Variants in FAM53A observed in about 807,000 individuals in gnomAD.
The protein encoded by FAM53A is protein FAM53A.
In FAM53A, 28 loss-of-function variants were observed where a neutral mutation model predicts 26.6. That is an observed-to-expected ratio of 1.05 (90% CI 0.78 to 1.45). The LOEUF (loss-of-function observed/expected upper bound fraction) is 1.45. FAM53A is among the 40% of genes most tolerant of loss of function. The pLI is 0.00. For synonymous variants in FAM53A, 290 were observed against 253.1 expected (o/e 1.15, Z -1.38); for missense variants, 650 against 575.8 (o/e 1.13, Z -1.32).
intron 2 of FAM53A, among the ~76,000 whole-genome samples, chr4:1,660,047 G>T (rs543637708): frequency 6.6e-6 from 1 of 152,054 alleles, no homozygotes; most frequent in African/African-American, 2.4e-5. Flanking sequence ...CTGAATCCCA[G>T]CACGGCGGGA....
intron 2 of FAM53A, among the ~76,000 whole-genome samples, chr4:1,660,536 C>T (rs961555170): frequency 6.6e-6 from 1 of 150,776 alleles, no homozygotes; most frequent in African/African-American, 2.4e-5. Context: ...CTGCAGCGAA[C>T]GACTGAGTGC....
At chr4:1,638,066 G>A (rs752945481), downstream of FAM53A, among the ~76,000 whole-genome samples, 1 of 151,970 alleles carries the variant, frequency 6.6e-6, no homozygotes, top group Non-Finnish European at 1.5e-5. Flanking sequence ...AGCTTCAGCA[G>A]CAGCCTCTCT....
chr4:1,618,001 G>A lies in FAM53A; in HGVS notation c.*72C>T, dbSNP rs950109413. The A allele has an allele frequency of 8.1e-5, 37 of 456,068 alleles. No homozygotes were observed. In the East Asian group the frequency reaches 2.4e-3, roughly 30 times the overall value. The allele number at this position is 456,068 out of a possible 1,614,324, so 28.3% of individuals were successfully genotyped here. A position where few individuals can be genotyped will look rare whatever the true frequency, so the allele number is the denominator to read the frequency against. Reference sequence around the variant, plus strand: ...GAACTGACGTGTGTCACGAATGCTTGGCATAGAGCCGACCAGTGAGGAGAC... The same window carrying A: ...GAACTGACGTGTGTCACGAATGCTTAGCATAGAGCCGACCAGTGAGGAGAC... On this transcript the variant is annotated 3_prime_UTR_variant, in exon 2 of 2. Transcript: ENST00000489029.
the FAM53A span, among the ~76,000 whole-genome samples, chr4:1,583,306 G>A: frequency 9.8e-5 from 15 of 152,296 alleles, no homozygotes; most frequent in African/African-American, 3.4e-4. Flanking sequence ...CAAAGGAAGC[G>A]GGGTCCCAGG....
chr4:1,681,585 C>G (rs1715446162), intron 1 of FAM53A, among the ~76,000 whole-genome samples: 1 of 151,634 alleles, frequency 6.6e-6, no homozygotes, highest in African/African-American at 2.4e-5. Flanking sequence ...CAGCCTCCAC[C>G]TCCCTGGCTG....
At position 1,667,127 on chromosome 4, in the gene FAM53A, C is replaced by CAA. The variant is rs570780273; in HGVS notation, c.75+1538_75+1539dup. On this transcript the variant is annotated intron_variant, in intron 2 of 4. Coordinates refer to ENST00000308132, the MANE Select transcript of FAM53A (RefSeq NM_001174070.3). ...TGGGCGACAGAGCAAGACTCCATCT[C>CAA]AAAAAAAAAAAAAATACAAAATTTA... Among the ~76,000 whole-genome samples the CAA allele has an allele frequency of 7.7e-3, 998 of 130,198 alleles. 13 individuals are homozygous for CAA. Among genetic ancestry groups the CAA allele is most frequent in the African/African-American group, 0.025 (859 of 34,206 alleles). The allele number at this position is 130,198 out of a possible 152,430, so 85.4% of individuals were successfully genotyped here. A position where few individuals can be genotyped will look rare whatever the true frequency, so the allele number is the denominator to read the frequency against.
chr4:1,597,718 G>A, the FAM53A span, among the ~76,000 whole-genome samples: 3 of 152,222 alleles, frequency 2.0e-5, no homozygotes, highest in South Asian at 2.1e-4. Flanking sequence ...AGGACCAGCC[G>A]GGCGCGGTGG....
downstream of FAM53A, among the ~76,000 whole-genome samples, chr4:1,636,887 G>A (rs892665710): frequency 6.7e-6 from 1 of 148,772 alleles, no homozygotes; most frequent in Non-Finnish European, 1.5e-5. Flanking sequence ...CTCTTGCTGG[G>A]GGGGGGTCCC....
chr4:1,681,083 G>A (rs543685447), intron 1 of FAM53A, among the ~76,000 whole-genome samples: 1 of 152,232 alleles, frequency 6.6e-6, no homozygotes, highest in African/African-American at 2.4e-5. Context: ...AGGGCAGAAG[G>A]TATAGTGTCT....
chr4:1,637,678 C>G (rs539570632), downstream of FAM53A, among the ~76,000 whole-genome samples: 1 of 151,920 alleles, frequency 6.6e-6, no homozygotes, highest in South Asian at 2.1e-4. Flanking sequence ...TGCAGCAGTG[C>G]TGGGGGCTAG....
At chr4:1,607,744 C>T in the FAM53A span, among the ~76,000 whole-genome samples, 1 of 152,128 alleles carries the variant, frequency 6.6e-6, no homozygotes, top group African/African-American at 2.4e-5. Context: ...AGTTGGAGAC[C>T]AGCCTGATCA....
downstream of FAM53A, among the ~76,000 whole-genome samples, chr4:1,613,172 G>A (rs897887172): frequency 6.6e-6 from 1 of 152,250 alleles, no homozygotes; most frequent in Admixed American, 6.5e-5. Context: ...TCTTGCCTTA[G>A]TCCCGCCCCT....
intron 1 of FAM53A, among the ~76,000 whole-genome samples, chr4:1,631,584 A>G (rs1201816139): frequency 6.6e-6 from 1 of 152,186 alleles, no homozygotes; most frequent in East Asian, 1.9e-4. Context: ...GGAAGGTGCC[A>G]TATCCACGGT....
chr4:1,582,804 A>G, the FAM53A span, among the ~76,000 whole-genome samples: 3 of 152,180 alleles, frequency 2.0e-5, no homozygotes, highest in African/African-American at 7.2e-5. Flanking sequence ...GCCATGAACT[A>G]TGTTCCCCAC....
chr4:1,646,539 C>G (rs751818413), intron 4 of FAM53A, among the ~76,000 whole-genome samples: 1 of 152,106 alleles, frequency 6.6e-6, no homozygotes, highest in Non-Finnish European at 1.5e-5. Flanking sequence ...CAATTTTCAC[C>G]CAGGAGGCAC....
chr4:1,658,033 C>G (rs768036848), intron 2 of FAM53A, among the ~76,000 whole-genome samples: 15 of 150,194 alleles, frequency 1.0e-4, no homozygotes, highest in African/African-American at 1.5e-4. Context: ...GTTTTTGAGA[C>G]AGAGTCTCGC....
intron 2 of FAM53A, among the ~76,000 whole-genome samples, chr4:1,663,194 G>GA (rs1279000277): frequency 5.3e-5 from 8 of 152,064 alleles, no homozygotes; most frequent in African/African-American, 1.7e-4. Context: ...TCTGCCTCAA[G>GA]AAAAAAAGAG....
chr4:1,674,994 T>TGACGGATGGTGGCAGTGA (rs1356039228), intron 1 of FAM53A, among the ~76,000 whole-genome samples: 1 of 152,028 alleles, frequency 6.6e-6, no homozygotes, highest in African/African-American at 2.4e-5. Flanking sequence ...ACAGAAACAG[T>TGACGGATGGTGGCAGTGA]GACGGATGGT....
At chr4:1,681,102 G>C (rs1715404565) in intron 1 of FAM53A, among the ~76,000 whole-genome samples, 3 of 152,088 alleles carry the variant, frequency 2.0e-5, no homozygotes, top group African/African-American at 7.2e-5. Context: ...CTAGCAACTC[G>C]ATTTTTTTTT....
Sources: allele counts gnomAD v4.1 joint callset (sites outside exome capture counted in the v4.1 genomes callset), GRCh38; gene constraint gnomAD v4.1.1; transcripts MANE v1.5; gene names NCBI Gene and HGNC (gene_info 2026-07-23, HGNC 2026-07-21).